SDK1: variants seen among roughly 807,000 people sequenced by gnomAD.
The protein encoded by SDK1 is protein sidekick-1.
SDK1 carries 157 observed loss-of-function variants against 245.5 expected under a neutral mutation model. The ratio of observed to expected loss-of-function variants is 0.64; its 90% confidence interval spans 0.56 to 0.73. SDK1 has a LOEUF of 0.73. SDK1 is among the 30% of genes least tolerant of loss of function. SDK1 has a pLI of 0.00. For synonymous variants in SDK1, 1,647 were observed against 1,278.5 expected, an observed-to-expected ratio of 1.29 and a Z score of -6.15; for missense variants, 3,583 against 3,002.3, an observed-to-expected ratio of 1.19 and a Z score of -4.52.
At chr7:4,220,433 C>T (rs546931889) in intron 39 of SDK1, among the ~76,000 whole-genome samples, 163 bp downstream of exon 39, 1 of 152,030 alleles carries the variant, frequency 6.6e-6, no homozygotes, top group East Asian at 1.9e-4. Flanking sequence ...TCTTCAAAAG[C>T]ACGCGTCAAC....
At chr7:4,191,504 G>T (rs1783206332) in intron 35 of SDK1, among the ~76,000 whole-genome samples, 1 of 152,240 alleles carries the variant, frequency 6.6e-6, no homozygotes. Context: ...ATCCCTCCAG[G>T]TCGCCACGCT....
intron 5 of SDK1, among the ~76,000 whole-genome samples, chr7:3,825,801 T>C (rs1280772249): frequency 1.3e-5 from 2 of 152,200 alleles, no homozygotes; most frequent in African/African-American, 4.8e-5. Context: ...CTATTTTCCT[T>C]GTACCGTTAA....
chr7:3,501,463 T>A (rs1466249563), intron 1 of SDK1, among the ~76,000 whole-genome samples: 1 of 152,024 alleles, frequency 6.6e-6, no homozygotes, highest in Non-Finnish European at 1.5e-5. Flanking sequence ...GTGCGTAAAA[T>A]GCTTTAATGT....
rs1329825946 is a variant in SDK1, at chr7:4,119,397, A to G, written c.3823+5123A>G. On this transcript the variant is annotated intron_variant, in intron 25 of 44. Coordinates refer to ENST00000404826, the MANE Select transcript of SDK1 (RefSeq NM_152744.4). ...TTCAGCCCAGGAGGTCGAGCCTGCC[A>G]TGAACTACGATCATACCCCTGCACT... is the stretch of plus-strand genomic sequence containing the variant. Among the ~76,000 whole-genome samples, 3 of 148,564 alleles carry G rather than the reference A, an allele frequency of 2.0e-5. 1 individual carries two copies. Among genetic ancestry groups the G allele is most frequent in the African/African-American group, 7.4e-5 (3 of 40,722 alleles).
chr7:3,806,517 G>A (rs952212786), intron 4 of SDK1, among the ~76,000 whole-genome samples: 3 of 152,210 alleles, frequency 2.0e-5, no homozygotes, highest in African/African-American at 7.2e-5. Flanking sequence ...AGCAGAGACC[G>A]TTACCTTTAT....
intron 17 of SDK1, among the ~76,000 whole-genome samples, chr7:4,048,795 G>A (rs1208954227): frequency 6.6e-6 from 1 of 152,210 alleles, no homozygotes; most frequent in Non-Finnish European, 1.5e-5. Flanking sequence ...TTCAATAGCT[G>A]TTCTGTAAAA....
At position 3,394,165 on chromosome 7, in the gene SDK1, CA is replaced by C. The variant is rs1258387044; in HGVS notation, c.298+92284del. 2.6e-5 allele frequency among the ~76,000 whole-genome samples: 4 copies of C among 151,880 alleles called. No homozygotes were observed. In the East Asian group the frequency reaches 7.7e-4, roughly 29 times the overall value. ...AGATATTGTTCTCCTCCTTTTCTCC[CA>C]AACACATGGAGTCAGTCTCTCCTCT... On this transcript the variant is annotated intron_variant, in intron 1 of 44. Coordinates refer to ENST00000404826, the MANE Select transcript of SDK1 (RefSeq NM_152744.4).
chr7:4,144,575 C>T (rs968483594), intron 28 of SDK1, among the ~76,000 whole-genome samples: 1 of 151,980 alleles, frequency 6.6e-6, no homozygotes, highest in African/African-American at 2.4e-5. Context: ...TTGTTAAATG[C>T]GTGGATGAGT....
At chr7:3,906,139 C>G (rs1284592108) in intron 5 of SDK1, among the ~76,000 whole-genome samples, 1 of 152,030 alleles carries the variant, frequency 6.6e-6, no homozygotes, top group African/African-American at 2.4e-5. Context: ...TTTGTCTTAC[C>G]TGATGTTTGT....
chr7:3,325,137 G>T (rs1019957917), intron 1 of SDK1, among the ~76,000 whole-genome samples: 1 of 151,846 alleles, frequency 6.6e-6, no homozygotes, highest in Non-Finnish European at 1.5e-5. Flanking sequence ...TGATGCTTCA[G>T]TCTCACAGGT....
intron 1 of SDK1, among the ~76,000 whole-genome samples, chr7:3,473,944 T>A (rs1781262539): frequency 6.6e-6 from 1 of 152,062 alleles, no homozygotes; most frequent in Non-Finnish European, 1.5e-5. Flanking sequence ...CCAAATAGTT[T>A]GGGCTGAAAG....
chr7:3,966,944 C>G (rs984610427), intron 9 of SDK1, among the ~76,000 whole-genome samples: 1 of 152,192 alleles, frequency 6.6e-6, no homozygotes, highest in Admixed American at 6.5e-5. Context: ...CCTCAGCCTC[C>G]TGAAGTGCTG....
At chr7:3,329,380 C>T (rs1303553550) in intron 1 of SDK1, among the ~76,000 whole-genome samples, 1 of 152,152 alleles carries the variant, frequency 6.6e-6, no homozygotes, top group Non-Finnish European at 1.5e-5. Flanking sequence ...AGATACAATT[C>T]ACCTACCATA....
At chr7:4,008,056 C>G (rs1481058456) in intron 14 of SDK1, among the ~76,000 whole-genome samples, 1 of 152,292 alleles carries the variant, frequency 6.6e-6, no homozygotes, top group Non-Finnish European at 1.5e-5. Context: ...ACTAAACAGT[C>G]GCTCCCCGTT....
At chr7:4,110,915 G>A in intron 23 of SDK1, 143 bp downstream of exon 23, 2 of 642,398 alleles carry the variant, frequency 3.1e-6, no homozygotes, top group South Asian at 1.8e-5. Context: ...AAAGCCTTAA[G>A]GAGCAGGCGG....
intron 15 of SDK1, among the ~76,000 whole-genome samples, 164 bp from the exon 16 acceptor site, chr7:4,011,931 T>A (rs1640183180): frequency 6.6e-6 from 1 of 152,198 alleles, no homozygotes; most frequent in South Asian, 2.1e-4. Context: ...TGGTAACTGT[T>A]TCTCACGTCC....
At chr7:3,949,911 G>A (rs893327010) in intron 5 of SDK1, among the ~76,000 whole-genome samples, 22 of 152,234 alleles carry the variant, frequency 1.4e-4, no homozygotes, top group African/African-American at 5.3e-4. Context: ...CTCCAGGGAA[G>A]CATATTTGGA....
At chr7:3,817,837 C>G (rs1336751721) in intron 4 of SDK1, among the ~76,000 whole-genome samples, 1 of 152,058 alleles carries the variant, frequency 6.6e-6, no homozygotes, top group Non-Finnish European at 1.5e-5. Context: ...GTTGGAGAAT[C>G]AAGTGAAGAA....
At chr7:4,116,904 C>T (rs1405339004) in intron 25 of SDK1, among the ~76,000 whole-genome samples, 1 of 152,200 alleles carries the variant, frequency 6.6e-6, no homozygotes, top group Non-Finnish European at 1.5e-5. Flanking sequence ...GGCCCAGTGT[C>T]CCTCGGCTCT....
Sources: gnomAD v4.1 joint callset for allele counts (sites outside exome capture counted in the v4.1 genomes callset) on GRCh38, gnomAD v4.1.1 for gene constraint, MANE v1.5 for transcripts, NCBI Gene and HGNC (gene_info 2026-07-23, HGNC 2026-07-21) for gene names.